The following COLEC11 variants were observed in gnomAD, a reference collection of about 807,000 sequenced individuals.
COLEC11 encodes collectin subfamily member 11.
Under a neutral mutation model 27.3 loss-of-function variants are expected in COLEC11, and 20 were observed. That is an observed-to-expected ratio of 0.73 (90% CI 0.51 to 1.06). COLEC11 has a LOEUF of 1.06. Among genes scored for constraint, COLEC11 ranks in the 50% least tolerant of loss-of-function variants. The pLI is 0.00. For synonymous variants in COLEC11, 163 were observed against 154.7 expected (o/e 1.05, Z -0.40); for missense variants, 310 against 383.0 (o/e 0.81, Z 1.59).
chr2:3,604,776 C>T (rs1662508925), intron 2 of COLEC11, among the ~76,000 whole-genome samples: 1 of 152,120 alleles, frequency 6.6e-6, no homozygotes, highest in South Asian at 2.1e-4. Flanking sequence ...GTGTGATCCT[C>T]CCCATGAGAT....
intron 3 of COLEC11, among the ~76,000 whole-genome samples, chr2:3,618,293 C>G (rs573328320): frequency 1.7e-4 from 26 of 152,314 alleles, no homozygotes; most frequent in African/African-American, 6.0e-4. Flanking sequence ...AGGAACTTTT[C>G]CCTTACATTT....
At chr2:3,631,713 G>GGGGGCTCTGCTCGGA (rs1203992810) in intron 3 of COLEC11, among the ~76,000 whole-genome samples, 12 of 151,092 alleles carry the variant, frequency 7.9e-5, no homozygotes, top group African/African-American at 2.7e-4. Context: ...TCTGCTCGGA[G>GGGGGCTCTGCTCGGA]GGGGCCCCTA....
In COLEC11 at chr2:3,617,541, C is replaced by T. The variant is rs73914514; in HGVS notation, c.202+4159C>T. 1.3e-3 allele frequency: 1,999 copies of T among 1,566,182 alleles called. 18 individuals carry two copies. The African/African-American group carries it at 0.023, about 18-fold the overall frequency. On this transcript the variant is annotated intron_variant, in intron 3 of 6. Coordinates refer to ENST00000349077, the MANE Select transcript of COLEC11 (RefSeq NM_024027.5). ...ATATACAGTGCATATTGGCGGCGCA[C>T]GCCTCACTACGATTTGCCTGCTTGC... is the stretch of plus-strand genomic sequence containing the variant.
intron 3 of COLEC11, among the ~76,000 whole-genome samples, chr2:3,627,363 G>T (rs1282496020): frequency 9.0e-6 from 1 of 111,464 alleles, no homozygotes; most frequent in Admixed American, 7.5e-5. Context: ...GATGATGCTG[G>T]GCAAGATGAT....
At chr2:3,620,995 T>C (rs1190728394) in intron 3 of COLEC11, among the ~76,000 whole-genome samples, 2 of 152,322 alleles carry the variant, frequency 1.3e-5, no homozygotes. Context: ...TGGAGAGGAA[T>C]GTGTTTTCTG....
At chr2:3,627,610 C>T (rs1664655936) in intron 3 of COLEC11, among the ~76,000 whole-genome samples, 1 of 144,798 alleles carries the variant, frequency 6.9e-6, no homozygotes, top group Admixed American at 6.9e-5. Context: ...CGATGCTGGG[C>T]ATGAAGATGG....
chr2:3,641,242 C>T (rs1665840108), intron 5 of COLEC11: 1 of 1,304,222 alleles, frequency 7.7e-7, no homozygotes, highest in Non-Finnish European at 1.0e-6. Context: ...TTTAAAAGCT[C>T]CTTCGGCACC....
chr2:3,608,336 G>A (rs531617063), intron 2 of COLEC11, among the ~76,000 whole-genome samples: 2 of 152,320 alleles, frequency 1.3e-5, no homozygotes, highest in African/African-American at 4.8e-5. Flanking sequence ...CTTGTCATTA[G>A]AACTTTATGT....
intron 2 of COLEC11, 103 bp downstream of exon 2, chr2:3,604,573 C>G (rs778004287): frequency 5.4e-6 from 7 of 1,306,422 alleles, no homozygotes; most frequent in Non-Finnish European, 7.7e-6. Flanking sequence ...AAAGCCCCAG[C>G]AAATCTGCTT....
At position 3,643,458 on chromosome 2, in the gene COLEC11, T is replaced by C. The variant is rs1432811350; in HGVS notation, c.343T>C (p.Cys115Arg). ...GGCCCCCGCAGGCCTCCCATGTGAG[T>C]GCAGCCAGCTGCGCAAGGCCATCGG... ...PNGEPGLPCE[C>R]SQLRKAIGEM... Residue 115 changes from cysteine to arginine, a missense_variant, in exon 6 of 7, where the codon TGC (cysteine) becomes CGC (arginine). Physicochemically the swap from Cys to Arg is radical, Grantham distance 180 (BLOSUM62 -3). Coordinates refer to ENST00000349077, the MANE Select transcript of COLEC11 (RefSeq NM_024027.5). The C allele has an allele frequency of 6.2e-7, 1 of 1,613,580 alleles. No homozygotes were observed.
intron 3 of COLEC11, among the ~76,000 whole-genome samples, chr2:3,627,516 A>T (rs1381651088): frequency 6.7e-6 from 1 of 148,776 alleles, no homozygotes; most frequent in African/African-American, 2.5e-5. Flanking sequence ...GGGCATAATA[A>T]CGGTAGATCG....
At chr2:3,636,341 G>C (rs1665415415) in intron 3 of COLEC11, among the ~76,000 whole-genome samples, 2 of 152,208 alleles carry the variant, frequency 1.3e-5, no homozygotes, top group Admixed American at 6.5e-5. Flanking sequence ...TGTAGTCCCA[G>C]CTACTCGGGA....
chr2:3,635,059 C>T lies in COLEC11; in HGVS notation c.203-2474C>T, dbSNP rs560376111. Among the ~76,000 whole-genome samples the T allele has an allele frequency of 1.0e-3, 138 of 135,724 alleles. 1 individual carries two copies. Among genetic ancestry groups the T allele is most frequent in the Non-Finnish European group, 1.9e-3 (111 of 59,820 alleles). 89.0% of individuals were successfully genotyped at this position (135,724 alleles called of 152,430 possible). A position where few individuals can be genotyped will look rare whatever the true frequency, so the allele number is the denominator to read the frequency against. On this transcript the variant is annotated intron_variant, in intron 3 of 6. Transcript: ENST00000349077. ...CAGGTGCCCTCCTGGCCCTTGTCACCGTCCCATGATGATCCCTCTCCCCTG... is the reference window on the plus strand; with the variant it reads ...CAGGTGCCCTCCTGGCCCTTGTCACTGTCCCATGATGATCCCTCTCCCCTG...
At chr2:3,640,240 C>G (rs1170967541) in intron 4 of COLEC11, 38 bp from the exon 5 acceptor site, 2 of 1,316,766 alleles carry the variant, frequency 1.5e-6, no homozygotes, top group South Asian at 2.4e-5. Flanking sequence ...ACATGTCCAT[C>G]TCTGCCTGGT....
intron 5 of COLEC11, 65 bp downstream of exon 5, chr2:3,640,396 T>A: frequency 1.3e-6 from 1 of 773,864 alleles, no homozygotes. Flanking sequence ...TTGAAAACAA[T>A]GTAGATCTAC....
intron 1 of COLEC11, among the ~76,000 whole-genome samples, chr2:3,599,414 G>C (rs1662070359): frequency 6.6e-6 from 1 of 152,206 alleles, no homozygotes; most frequent in African/African-American, 2.4e-5. Flanking sequence ...CGGGGGACAG[G>C]CATTCTCAGA....
intron 3 of COLEC11, among the ~76,000 whole-genome samples, chr2:3,626,599 A>C (rs147493315): frequency 1.8e-3 from 280 of 152,266 alleles, no homozygotes; most frequent in Middle Eastern, 3.4e-3. Flanking sequence ...GTTCATGGGA[A>C]CTCACTAGGG....
chr2:3,609,715 A>C (rs999209306), intron 2 of COLEC11, among the ~76,000 whole-genome samples: 3 of 152,188 alleles, frequency 2.0e-5, no homozygotes, highest in African/African-American at 7.2e-5. Context: ...TTTTTAGTAG[A>C]GACGGGGTTT....
intron 3 of COLEC11, among the ~76,000 whole-genome samples, chr2:3,614,998 A>G (rs1663542960): frequency 6.6e-6 from 1 of 152,196 alleles, no homozygotes; most frequent in Non-Finnish European, 1.5e-5. Context: ...ACCCAGCTAA[A>G]CTATCCATCA....
Sources: gnomAD v4.1 joint callset for allele counts (sites outside exome capture counted in the v4.1 genomes callset) on GRCh38, gnomAD v4.1.1 for gene constraint, MANE v1.5 for transcripts, NCBI Gene and HGNC (gene_info 2026-07-23, HGNC 2026-07-21) for gene names.